EFHC1: variants seen among roughly 807,000 people sequenced by gnomAD.
EFHC1 encodes EF-hand domain containing 1, also known as EF-hand domain-containing protein 1.
Under a neutral mutation model 69.9 loss-of-function variants are expected in EFHC1, and 53 were observed. The ratio of observed to expected loss-of-function variants is 0.76; its 90% CI spans 0.61 to 0.95. The LOEUF (loss-of-function observed/expected upper bound fraction) is 0.95. Among genes scored for constraint, EFHC1 ranks in the 40% least tolerant of loss-of-function variants. EFHC1 has a pLI of 0.00. For missense variants in EFHC1, 739 were observed against 798.7 expected (o/e 0.93, Z 0.90); for synonymous variants, 256 against 278.4 (o/e 0.92, Z 0.80).
intron 3 of EFHC1, among the ~76,000 whole-genome samples, chr6:52,443,041 T>C (rs1237408392): frequency 6.6e-6 from 1 of 152,240 alleles, no homozygotes; most frequent in East Asian, 1.9e-4. Flanking sequence ...TGGCCAGTGA[T>C]GATGAGCATT....
intron 2 of EFHC1, among the ~76,000 whole-genome samples, chr6:52,425,894 A>G (rs62407872): frequency 1.4e-3 from 216 of 152,278 alleles, no homozygotes; most frequent in Non-Finnish European, 2.8e-3. Flanking sequence ...ATATAACTTC[A>G]TTTCTTACTT....
intron 9 of EFHC1, chr6:52,481,635 T>C (rs1765678721): frequency 6.6e-6 from 1 of 152,142 alleles, no homozygotes; most frequent in African/African-American, 2.4e-5. Flanking sequence ...CTCCTTGAGT[T>C]CAGCTTCCCA....
chr6:52,452,942 A>G, intron 4 of EFHC1, 105 bp downstream of exon 4: 1 of 1,600,982 alleles, frequency 6.2e-7, no homozygotes, highest in Non-Finnish European at 8.5e-7. Context: ...TTGAAACATT[A>G]CAGCTATAAT....
Position 52,471,796 on chromosome 6 carries a change from AG to A in EFHC1, c.1278+2325del, listed in dbSNP as rs1187078669. 2.6e-5 allele frequency among the ~76,000 whole-genome samples: 4 copies of A among 152,172 alleles called. No individual in the cohort carries two copies. In the East Asian group the frequency reaches 7.7e-4, roughly 29 times the overall value. Reference sequence around the variant, plus strand: ...GATATGAGAATCGCTTGAACCTGGGAGGTGGAAGTTGCAGTGAGCCAAGATT... The same window carrying A: ...GATATGAGAATCGCTTGAACCTGGGAGTGGAAGTTGCAGTGAGCCAAGATT... On this transcript the variant is annotated intron_variant, in intron 7 of 10. Coordinates refer to ENST00000371068, the MANE Select transcript of EFHC1 (RefSeq NM_018100.4).
At chr6:52,486,865 G>A (rs1410784061) in intron 9 of EFHC1, 4 of 151,988 alleles carry the variant, frequency 2.6e-5, no homozygotes, top group Admixed American at 2.0e-4. Flanking sequence ...AAGGTCATTG[G>A]TTGTTTCCAA....
At chr6:52,479,563 G>A (rs1035587357) in intron 8 of EFHC1, 77 bp from the exon 9 acceptor site, 8 of 1,588,404 alleles carry the variant, frequency 5.0e-6, no homozygotes, top group Non-Finnish European at 6.9e-6. Context: ...ATTTATCATT[G>A]GAGGGTTAAT....
chr6:52,424,973 C>A (rs761757351), intron 2 of EFHC1, among the ~76,000 whole-genome samples: 2 of 152,124 alleles, frequency 1.3e-5, no homozygotes, highest in Non-Finnish European at 2.9e-5. Flanking sequence ...CTTTTCTTGT[C>A]TTAATTTTTA....
At chr6:52,446,751 G>T (rs1764796378) in intron 3 of EFHC1, among the ~76,000 whole-genome samples, 1 of 152,132 alleles carries the variant, frequency 6.6e-6, no homozygotes, top group Non-Finnish European at 1.5e-5. Context: ...TTTAGGGCAG[G>T]CCTGGTGGTG....
chr6:52,471,143 C>T (rs1021684718), intron 7 of EFHC1, among the ~76,000 whole-genome samples: 3 of 152,190 alleles, frequency 2.0e-5, no homozygotes, highest in Admixed American at 6.5e-5. Flanking sequence ...TTCCGCTAGG[C>T]GTGTTTGCTG....
chr6:52,451,891 A>G (rs1398961840), intron 3 of EFHC1, among the ~76,000 whole-genome samples: 1 of 152,046 alleles, frequency 6.6e-6, no homozygotes, highest in Non-Finnish European at 1.5e-5. Context: ...GGACTTAATC[A>G]TATACAGTAT....
intron 9 of EFHC1, chr6:52,485,946 G>T (rs533340448): frequency 2.0e-5 from 3 of 152,184 alleles, no homozygotes; most frequent in African/African-American, 7.2e-5. Context: ...CCTCACCCCC[G>T]CCCTTCTTCT....
intron 5 of EFHC1, among the ~76,000 whole-genome samples, chr6:52,462,438 TAAG>T (rs141409015): frequency 0.032 from 4,862 of 151,922 alleles, 114 homozygotes; most frequent in Non-Finnish European, 0.048. Flanking sequence ...AATCATAAAA[TAAG>T]AGGCTGAAAA....
chr6:52,440,841 G>A (rs375783262), intron 3 of EFHC1, among the ~76,000 whole-genome samples: 17 of 152,154 alleles, frequency 1.1e-4, no homozygotes, highest in African/African-American at 4.1e-4. Flanking sequence ...ACTGGTGTGA[G>A]ATGATATTTC....
At chr6:52,438,739 A>T in intron 3 of EFHC1, 148 bp downstream of exon 3, 11 of 777,812 alleles carry the variant, frequency 1.4e-5, no homozygotes. Flanking sequence ...GCATGTGTGT[A>T]TGTGCTAATA....
chr6:52,451,870 G>A (rs997487899), intron 3 of EFHC1, among the ~76,000 whole-genome samples: 2 of 151,658 alleles, frequency 1.3e-5, no homozygotes, highest in Non-Finnish European at 2.9e-5. Flanking sequence ...TTCTTTTTTG[G>A]TGAGGGGAAG....
chr6:52,423,667 T>A (rs1041097557), intron 1 of EFHC1: 8 of 451,382 alleles, frequency 1.8e-5, no homozygotes, highest in African/African-American at 8.4e-5. Flanking sequence ...ATTTTTTTTT[T>A]TTTTTTTTTT....
chr6:52,480,219 G>A, intron 9 of EFHC1: 2 of 273,836 alleles, frequency 7.3e-6, no homozygotes, highest in Non-Finnish European at 1.4e-5. Context: ...ATAAGAAAGA[G>A]AAAATTATTT....
chr6:52,420,555 C>A, intron 1 of EFHC1, 82 bp downstream of exon 1: 1 of 1,498,290 alleles, frequency 6.7e-7, no homozygotes, highest in Non-Finnish European at 9.3e-7. Flanking sequence ...CACCTCCATT[C>A]CCCTCCACTC....
intron 1 of EFHC1, among the ~76,000 whole-genome samples, chr6:52,422,876 G>T (rs1334524223): frequency 6.6e-6 from 1 of 152,120 alleles, no homozygotes; most frequent in East Asian, 1.9e-4. Flanking sequence ...AATTTTATAT[G>T]TTGCTTTTTC....
Sources: gnomAD v4.1 joint callset for allele counts (sites outside exome capture counted in the v4.1 genomes callset) on GRCh38, gnomAD v4.1.1 for gene constraint, MANE v1.5 for transcripts, NCBI Gene and HGNC (gene_info 2026-07-23, HGNC 2026-07-21) for gene names.